Variants in EFNA5 observed in about 807,000 individuals in gnomAD.
EFNA5 encodes the protein ephrin-A5.
In EFNA5, 5 loss-of-function variants were observed where a neutral mutation model predicts 22.9. That is an observed-to-expected ratio of 0.22 (90% CI 0.11 to 0.46). The LOEUF is 0.46. Among genes scored for constraint, EFNA5 ranks in the 20% least tolerant of loss-of-function variants. The pLI, the probability that EFNA5 is intolerant of heterozygous loss-of-function variation, is 0.99. For missense variants in EFNA5, 237 were observed against 293.3 expected, an observed-to-expected ratio of 0.81 and a Z score of 1.40; for synonymous variants, 113 against 112.2, an observed-to-expected ratio of 1.01 and a Z score of -0.04.
At chr5:107,531,414 G>A (rs967280887) in intron 1 of EFNA5, among the ~76,000 whole-genome samples, 10 of 152,202 alleles carry the variant, frequency 6.6e-5, no homozygotes, top group East Asian at 3.8e-4. Flanking sequence ...TGAGGCTGCC[G>A]AAGGCAGGAC....
At chr5:107,634,870 G>A (rs1750338747) in intron 1 of EFNA5, among the ~76,000 whole-genome samples, 1 of 152,050 alleles carries the variant, frequency 6.6e-6, no homozygotes, top group Admixed American at 6.6e-5. Flanking sequence ...AAAGGGAAAG[G>A]AATAAAACTA....
At position 107,567,831 on chromosome 5, in the gene EFNA5, C is replaced by T. The variant is rs554531502; in HGVS notation, c.125+102658G>A. On this transcript the variant is annotated intron_variant, in intron 1 of 4. Transcript: ENST00000333274. ...GCACTGGACATGTGAGGCAAAGTAG[C>T]GAGTGGCTGGGAATGAAGAATGTGT... is the stretch of plus-strand genomic sequence containing the variant. Among the ~76,000 whole-genome samples the T allele has an allele frequency of 3.9e-5, 6 of 152,290 alleles. No homozygotes were observed. The East Asian group carries it at 5.8e-4, about 15-fold the overall frequency.
intron 1 of EFNA5, among the ~76,000 whole-genome samples, chr5:107,520,123 C>T (rs1251870248): frequency 6.6e-6 from 1 of 152,202 alleles, no homozygotes; most frequent in Admixed American, 6.5e-5. Context: ...GGCTGGAATT[C>T]TTCAACGGCA....
intron 1 of EFNA5, among the ~76,000 whole-genome samples, chr5:107,586,806 G>C (rs1354384177): frequency 6.6e-6 from 1 of 152,126 alleles, no homozygotes; most frequent in Non-Finnish European, 1.5e-5. Context: ...AAATAATTTA[G>C]GTTAAAAATT....
At position 107,606,538 on chromosome 5, in the gene EFNA5, AACACACACACACACACAC is replaced by A. The variant is rs58031827; in HGVS notation, c.125+63933_125+63950del. On this transcript the variant is annotated intron_variant, in intron 1 of 4. Transcript: ENST00000333274. ...ATCATAGACACACACTTGCACGTAC[AACACACACACACACACAC>A]ACACACACACACACACACACACACA... 4.8e-3 allele frequency among the ~76,000 whole-genome samples: 696 copies of A among 144,188 alleles called. 6 individuals carry two copies. The highest frequency in any genetic ancestry group is 0.017 in the African/African-American group (645 of 38,422). The allele number at this position is 144,188 out of a possible 152,430, so 94.6% of individuals were successfully genotyped here.
rs909668175 is a variant in EFNA5 at position 107,624,166 on chromosome 5, T to G, written c.125+46323A>C. On this transcript the variant is annotated intron_variant, in intron 1 of 4. Transcript: ENST00000333274. ...ATAAGTAAAATGAGGACACTAACGA[T>G]CTATAATTAAAAGGTAATATTAACT... Among the ~76,000 whole-genome samples, 68 of 152,038 alleles carry G rather than the reference T, an allele frequency of 4.5e-4. 3 individuals are homozygous for G. Among genetic ancestry groups the G allele is most frequent in the Non-Finnish European group, 4.4e-5 (3 of 67,970 alleles).
intron 2 of EFNA5, among the ~76,000 whole-genome samples, chr5:107,425,626 T>C (rs1463914860): frequency 1.3e-5 from 2 of 152,232 alleles, no homozygotes; most frequent in African/African-American, 4.8e-5. Flanking sequence ...ATGGATCAAA[T>C]GTGAGATAGT....
intron 1 of EFNA5, among the ~76,000 whole-genome samples, chr5:107,504,490 G>T (rs999952157): frequency 7.9e-5 from 12 of 152,058 alleles, no homozygotes; most frequent in African/African-American, 2.7e-4. Context: ...TTCTTTTATA[G>T]AAATAGAAAA....
chr5:107,643,658 T>C (rs1186591814), intron 1 of EFNA5, among the ~76,000 whole-genome samples: 1 of 150,206 alleles, frequency 6.7e-6, no homozygotes, highest in African/African-American at 2.5e-5. Flanking sequence ...TGGTACCATT[T>C]ATGAAGTAAG....
chr5:107,578,828 G>A (rs1403229049), intron 1 of EFNA5, among the ~76,000 whole-genome samples: 1 of 152,214 alleles, frequency 6.6e-6, no homozygotes, highest in African/African-American at 2.4e-5. Context: ...AAGGGAGCCT[G>A]CGATGATATG....
intron 1 of EFNA5, among the ~76,000 whole-genome samples, chr5:107,584,276 A>C (rs1319711241): frequency 2.6e-5 from 4 of 152,180 alleles, no homozygotes. Context: ...TCAAACTTTC[A>C]TGGTGACTGG....
At chr5:107,543,873 C>CT (rs1013103972) in intron 1 of EFNA5, among the ~76,000 whole-genome samples, 1 of 152,130 alleles carries the variant, frequency 6.6e-6, no homozygotes, top group African/African-American at 2.4e-5. Context: ...AATACCGAAC[C>CT]TATAAGCATC....
In EFNA5 at chr5:107,598,801, T is replaced by A. The variant is rs952793560; in HGVS notation, c.125+71688A>T. Among the ~76,000 whole-genome samples the A allele has an allele frequency of 2.6e-5, 4 of 152,226 alleles. No individual in the cohort carries two copies. In the South Asian group the frequency reaches 8.3e-4, roughly 31 times the overall value. ...CATGCTTTTTATCTAACATGCCGAA[T>A]GATCTAAATGAAATTTTAATATTTC... On this transcript the variant is annotated intron_variant, in intron 1 of 4. Coordinates refer to ENST00000333274, the MANE Select transcript of EFNA5 (RefSeq NM_001962.3).
chr5:107,594,416 G>T (rs1345549166), intron 1 of EFNA5, among the ~76,000 whole-genome samples: 1 of 152,164 alleles, frequency 6.6e-6, no homozygotes, highest in Non-Finnish European at 1.5e-5. Context: ...AAGGCAGGGG[G>T]CAGGAGGAGA....
intron 1 of EFNA5, among the ~76,000 whole-genome samples, chr5:107,586,737 G>A (rs1404043051): frequency 2.6e-5 from 4 of 152,156 alleles, no homozygotes; most frequent in Non-Finnish European, 5.9e-5. Context: ...TCAACAAAGC[G>A]AAGTGTATCT....
intron 1 of EFNA5, among the ~76,000 whole-genome samples, chr5:107,471,329 C>G (rs935778529): frequency 1.3e-5 from 2 of 152,122 alleles, no homozygotes; most frequent in Admixed American, 6.6e-5. Flanking sequence ...CTCCACTGGG[C>G]TTTCTTCAGT....
In EFNA5 at chr5:107,670,763, GGC is replaced by G; in HGVS notation, c.-152_-151del. Reference sequence around the variant, plus strand: ...ATGAAAGTGGGCGAGAAAGGAAAGAGGCGCCCACCAAGCTGGGGAGGGGTAGG... The same window carrying G: ...ATGAAAGTGGGCGAGAAAGGAAAGAGGCCCACCAAGCTGGGGAGGGGTAGG... On this transcript the variant is annotated 5_prime_UTR_variant, in exon 1 of 5. Coordinates refer to ENST00000333274, the MANE Select transcript of EFNA5 (RefSeq NM_001962.3). 8.9e-7 allele frequency: 1 copy of G among 1,122,128 alleles called. No homozygotes were observed. The highest frequency in any genetic ancestry group is 1.2e-6 in the Non-Finnish European group (1 of 800,898). 69.5% of individuals were successfully genotyped at this position (1,122,128 alleles called of 1,614,324 possible). A position where few individuals can be genotyped will look rare whatever the true frequency, so the allele number is the denominator to read the frequency against.
chr5:107,451,599 GATGA>G (rs540278873), intron 1 of EFNA5, among the ~76,000 whole-genome samples: 11 of 152,206 alleles, frequency 7.2e-5, no homozygotes, highest in Admixed American at 2.0e-4. Context: ...ATGGTGAATA[GATGA>G]ATGAATGAAT....
intron 1 of EFNA5, among the ~76,000 whole-genome samples, chr5:107,475,201 C>T (rs987750881): frequency 5.9e-5 from 9 of 152,156 alleles, no homozygotes; most frequent in Admixed American, 1.3e-4. Flanking sequence ...GTAAGTTATA[C>T]GATATTAAAT....
Sources: allele counts gnomAD v4.1 joint callset (sites outside exome capture counted in the v4.1 genomes callset), GRCh38; gene constraint gnomAD v4.1.1; transcripts MANE v1.5; gene names NCBI Gene and HGNC (gene_info 2026-07-23, HGNC 2026-07-21).